Variants in SGIP1 observed in about 807,000 individuals in gnomAD.
SGIP1 encodes SH3-containing GRB2-like protein 3-interacting protein 1.
SGIP1 carries 38 observed loss-of-function variants against 107.5 expected under a neutral mutation model. The ratio of observed to expected loss-of-function variants is 0.35; its 90% confidence interval spans 0.27 to 0.46. The LOEUF (loss-of-function observed/expected upper bound fraction) is 0.46. SGIP1 is among the 20% of genes least tolerant of loss of function. The pLI is 1.00. For missense variants in SGIP1, 929 were observed against 1,019.5 expected (o/e 0.91, Z 1.21); for synonymous variants, 365 against 366.1 (o/e 1.00, Z 0.03).
rs553814245 is a variant in SGIP1 at position 66,750,069 on chromosome 1, C to G, written c.*6974C>G. 1.1e-3 allele frequency among the ~76,000 whole-genome samples: 154 copies of G among 142,482 alleles called. No homozygotes were observed. The highest frequency in any genetic ancestry group is 3.6e-3 in the Middle Eastern group (1 of 274). 93.5% of individuals were successfully genotyped at this position (142,482 alleles called of 152,430 possible). ...TGTGTGTGTGTGTGTGTGTGTGTGTCTCTTTCCTCTCTGTCTAAGGGGAAT... is the reference window on the plus strand; with the variant it reads ...TGTGTGTGTGTGTGTGTGTGTGTGTGTCTTTCCTCTCTGTCTAAGGGGAAT... On this transcript the variant is annotated 3_prime_UTR_variant, in exon 25 of 25. Coordinates refer to ENST00000371037, the MANE Select transcript of SGIP1 (RefSeq NM_032291.4).
chr1:66,729,381 G>A lies in SGIP1; in HGVS notation c.1860G>A (p.Arg620=). ...CTTTTCGGGTGATAAATTTCAGCAG[G>A]TTAGAACACGTCCTGCCAAACCCCC... ...ALTFRVINFS[R]LEHVLPNPQL... is the part of the protein sequence containing the mutation. The change falls in exon 20 of 25, where the codon AGG becomes AGA. Residue 620 remains arginine, a synonymous_variant. Transcript: ENST00000371037. 1 of 1,614,014 alleles carries A rather than the reference G, an allele frequency of 6.2e-7. No homozygotes were observed. Among genetic ancestry groups the A allele is most frequent in the Non-Finnish European group, 8.5e-7 (1 of 1,179,978 alleles).
intron 1 of SGIP1, among the ~76,000 whole-genome samples, chr1:66,605,247 C>A (rs182127014): frequency 1.3e-3 from 191 of 152,306 alleles, no homozygotes; most frequent in African/African-American, 4.2e-3. Flanking sequence ...GCATCCATTT[C>A]ATCCTTCTGT....
At chr1:66,596,700 C>T (rs1021049857) in intron 1 of SGIP1, among the ~76,000 whole-genome samples, 1 of 151,452 alleles carries the variant, frequency 6.6e-6, no homozygotes, top group Non-Finnish European at 1.5e-5. Flanking sequence ...CTCTAAGTAT[C>T]AATGTCAATT....
At chr1:66,592,583 C>G (rs2063827976) in intron 1 of SGIP1, among the ~76,000 whole-genome samples, 1 of 152,268 alleles carries the variant, frequency 6.6e-6, no homozygotes, top group Non-Finnish European at 1.5e-5. Flanking sequence ...ATTTATAAAC[C>G]TACATAGACA....
chr1:66,660,524 G>C lies in SGIP1; in HGVS notation c.471G>C (p.Pro157=). 1 of 1,610,216 alleles carries C rather than the reference G, an allele frequency of 6.2e-7. No homozygotes were observed. The highest frequency in any genetic ancestry group is 1.7e-5 in the Admixed American group (1 of 59,948). ...GCCTACGCTTTTAGAGGAAAAGTCCGGTAAGAAATAAGTCCTTCCCGCTTT... is the reference window on the plus strand; with the variant it reads ...GCCTACGCTTTTAGAGGAAAAGTCCCGTAAGAAATAAGTCCTTCCCGCTTT... The part of the protein sequence containing the change: ...ALSPSPVRKS[P]RRSPGAIKRN... Residue 157 remains proline, a splice_region_variant and synonymous_variant, in exon 8 of 25, where the codon CCG becomes CCC. Transcript: ENST00000371037.
At position 66,656,755 on chromosome 1, in the gene SGIP1, A is replaced by G. The variant is rs140403127; in HGVS notation, c.460-3758A>G. On this transcript the variant is annotated intron_variant, in intron 7 of 24. Transcript: ENST00000371037. Reference sequence around the variant, plus strand: ...GTGTCTGGTATTTACTAGGTGCTCAATAAATATCTGTTAATGGCTTAATAA... The same window carrying G: ...GTGTCTGGTATTTACTAGGTGCTCAGTAAATATCTGTTAATGGCTTAATAA... Among the ~76,000 whole-genome samples, 625 of 152,360 alleles carry G rather than the reference A, an allele frequency of 4.1e-3. 3 individuals are homozygous for G. The highest frequency in any genetic ancestry group is 0.014 in the African/African-American group (581 of 41,584).
At chr1:66,606,032 T>C (rs1466976370) in intron 1 of SGIP1, among the ~76,000 whole-genome samples, 3 of 152,204 alleles carry the variant, frequency 2.0e-5, no homozygotes, top group Non-Finnish European at 4.4e-5. Flanking sequence ...CTGAGGTGTC[T>C]TAGACATAGA....
At chr1:66,637,047 C>CA (rs3831086) in intron 4 of SGIP1, among the ~76,000 whole-genome samples, 4 of 150,418 alleles carry the variant, frequency 2.7e-5, no homozygotes, top group Admixed American at 1.3e-4. Context: ...TTAAGAAATA[C>CA]AAAAAAAAAG....
chr1:66,731,213 T>C (rs2093994478), intron 20 of SGIP1, among the ~76,000 whole-genome samples: 1 of 152,222 alleles, frequency 6.6e-6, no homozygotes, highest in Non-Finnish European at 1.5e-5. Flanking sequence ...AAAAGTCTCT[T>C]AATTCGAATT....
chr1:66,612,250 C>T (rs535596257), intron 1 of SGIP1, among the ~76,000 whole-genome samples: 129 of 152,278 alleles, frequency 8.5e-4, no homozygotes, highest in African/African-American at 2.6e-3. Context: ...ACTCATCCAC[C>T]GCTTTGAGAA....
chr1:66,638,056 C>T (rs1182242269), intron 4 of SGIP1, among the ~76,000 whole-genome samples: 1 of 151,810 alleles, frequency 6.6e-6, no homozygotes, highest in Non-Finnish European at 1.5e-5. Context: ...CATGAGTTTA[C>T]TTTTCTGGAA....
intron 9 of SGIP1, among the ~76,000 whole-genome samples, chr1:66,670,770 A>G (rs892076954): frequency 1.3e-5 from 2 of 152,156 alleles, no homozygotes; most frequent in Non-Finnish European, 2.9e-5. Context: ...TCTTCAGAAG[A>G]CTTACGATTT....
chr1:66,585,482 T>A (rs931107333), intron 1 of SGIP1, among the ~76,000 whole-genome samples: 2 of 152,024 alleles, frequency 1.3e-5, no homozygotes, highest in African/African-American at 2.4e-5. Flanking sequence ...CTGCAGATTT[T>A]AAAGTCCGTG....
At chr1:66,578,512 G>C (rs1049906342) in intron 1 of SGIP1, among the ~76,000 whole-genome samples, 1 of 152,100 alleles carries the variant, frequency 6.6e-6, no homozygotes, top group Non-Finnish European at 1.5e-5. Context: ...CCTCCTACAA[G>C]GTAGGTAAAG....
intron 7 of SGIP1, among the ~76,000 whole-genome samples, chr1:66,644,833 G>A (rs1325261): frequency 0.67 from 102,386 of 152,034 alleles, 35,702 homozygotes; most frequent in East Asian, 1. Context: ...TATTTAAGGT[G>A]ATTTTTAATC....
intron 1 of SGIP1, among the ~76,000 whole-genome samples, chr1:66,540,548 C>A (rs1040083727): frequency 2.0e-5 from 3 of 152,110 alleles, no homozygotes; most frequent in Non-Finnish European, 4.4e-5. Context: ...CCAGCAGGTT[C>A]GACTTGGAAT....
At chr1:66,741,014 A>G (rs2094432421) in intron 23 of SGIP1, among the ~76,000 whole-genome samples, 1 of 152,168 alleles carries the variant, frequency 6.6e-6, no homozygotes, top group Non-Finnish European at 1.5e-5. Flanking sequence ...CACTCTCCTC[A>G]GATATTAATC....
intron 1 of SGIP1, among the ~76,000 whole-genome samples, chr1:66,564,611 T>C (rs985895740): frequency 1.3e-5 from 2 of 151,980 alleles, no homozygotes; most frequent in African/African-American, 2.4e-5. Flanking sequence ...AGCCCAAAGA[T>C]GCCCTGCAGT....
At chr1:66,627,671 C>T (rs553931519) in intron 2 of SGIP1, among the ~76,000 whole-genome samples, 2 of 152,140 alleles carry the variant, frequency 1.3e-5, no homozygotes, top group South Asian at 2.1e-4. Context: ...TACTGTTGTC[C>T]TGCAAATTTT....
Sources: allele counts gnomAD v4.1 joint callset (sites outside exome capture counted in the v4.1 genomes callset), GRCh38; gene constraint gnomAD v4.1.1; transcripts MANE v1.5; gene names NCBI Gene and HGNC (gene_info 2026-07-23, HGNC 2026-07-21).